The following PPP2R2B variants were observed in gnomAD, a reference collection of about 807,000 sequenced individuals.
PPP2R2B encodes serine/threonine-protein phosphatase 2A 55 kDa regulatory subunit B beta isoform.
Under a neutral mutation model 46.0 loss-of-function variants are expected in PPP2R2B, and 5 were observed. The observed-to-expected ratio is 0.11, with a 90% confidence interval of 0.06 to 0.23. The LOEUF (loss-of-function observed/expected upper bound fraction) is 0.23, where lower values mean the gene tolerates loss of function less well. Among genes scored for constraint, PPP2R2B ranks in the 10% least tolerant of loss-of-function variants. The pLI is 1.00. For synonymous variants in PPP2R2B, 215 were observed against 206.7 expected (o/e 1.04, Z -0.34); for missense variants, 367 against 575.0 (o/e 0.64, Z 3.70).
Position 146,813,084 on chromosome 5 carries a change from C to CAT in PPP2R2B, c.70+64916_70+64917dup, listed in dbSNP as rs1405604216. On this transcript the variant is annotated intron_variant, in intron 2 of 9. Transcript: ENST00000394411. ...CATCTGGTGAATCATCCAGCCAGGA[C>CAT]ATATATATATCTACATATACATATA... 3.3e-5 allele frequency among the ~76,000 whole-genome samples: 5 copies of CAT among 150,224 alleles called. No homozygotes were observed. The East Asian group carries it at 8.0e-4, about 24-fold the overall frequency.
At chr5:146,651,518 G>T (rs551346403) in intron 5 of PPP2R2B, among the ~76,000 whole-genome samples, 3 of 152,072 alleles carry the variant, frequency 2.0e-5, no homozygotes, top group Non-Finnish European at 4.4e-5. Flanking sequence ...ACACATGACC[G>T]TCTTTCTGGC....
chr5:146,735,838 A>AT (rs1404631607), intron 2 of PPP2R2B, among the ~76,000 whole-genome samples: 1 of 152,164 alleles, frequency 6.6e-6, no homozygotes, highest in African/African-American at 2.4e-5. Context: ...AGAGTCATCT[A>AT]TTGCTTGATT....
chr5:146,863,662 A>G (rs1761139721), intron 2 of PPP2R2B, among the ~76,000 whole-genome samples: 1 of 151,870 alleles, frequency 6.6e-6, no homozygotes, highest in Non-Finnish European at 1.5e-5. Flanking sequence ...CCATCCATCC[A>G]TCCATCCATC....
intron 2 of PPP2R2B, among the ~76,000 whole-genome samples, chr5:146,799,220 T>G (rs1342622984): frequency 6.6e-6 from 1 of 152,236 alleles, no homozygotes; most frequent in Non-Finnish European, 1.5e-5. Context: ...TCCTTGTCTT[T>G]GACTTAGATG....
At chr5:146,792,788 C>T (rs774970755) in intron 2 of PPP2R2B, among the ~76,000 whole-genome samples, 26 of 152,130 alleles carry the variant, frequency 1.7e-4, no homozygotes, top group Admixed American at 1.0e-3. Flanking sequence ...AAGAAGGCTA[C>T]GGGACAGGCA....
intron 2 of PPP2R2B, among the ~76,000 whole-genome samples, chr5:146,825,638 C>T (rs1758532308): frequency 6.6e-6 from 1 of 152,228 alleles, no homozygotes; most frequent in Non-Finnish European, 1.5e-5. Context: ...GCTCCTCCAC[C>T]TATTAGCTGA....
intron 2 of PPP2R2B, among the ~76,000 whole-genome samples, chr5:146,795,751 T>C (rs1311043367): frequency 6.6e-6 from 1 of 152,140 alleles, no homozygotes; most frequent in South Asian, 2.1e-4. Context: ...GTATAGTATA[T>C]CAAAACGTCA....
chr5:146,763,455 T>C (rs1754287140), intron 2 of PPP2R2B, among the ~76,000 whole-genome samples: 1 of 152,176 alleles, frequency 6.6e-6, no homozygotes, highest in Non-Finnish European at 1.5e-5. Flanking sequence ...TATGACTCTT[T>C]TGGCAATTCA....
chr5:146,699,833 C>A (rs1290621555), intron 3 of PPP2R2B, among the ~76,000 whole-genome samples: 1 of 152,100 alleles, frequency 6.6e-6, no homozygotes, highest in African/African-American at 2.4e-5. Flanking sequence ...CCATCCAAAT[C>A]AGACTGTCAA....
chr5:146,590,245 A>AGGGAGTGACCGAGTATTACGGAGAAT lies in PPP2R2B; in HGVS notation c.1053-20_1053-19insATTCTCCGTAATACTCGGTCACTCCC. The AGGGAGTGACCGAGTATTACGGAGAAT allele has an allele frequency of 6.2e-7, 1 of 1,609,034 alleles. No individual in the cohort carries two copies. Among genetic ancestry groups the AGGGAGTGACCGAGTATTACGGAGAAT allele is most frequent in the Non-Finnish European group, 8.5e-7 (1 of 1,176,448 alleles). On this transcript the variant is annotated intron_variant, in intron 9 of 9. Transcript: ENST00000394411. Reference sequence around the variant, plus strand: ...GATGACACTGCAAGGCAGAGAGCAAAGGCAATGACATATCTTCACTGTCTT... The same window carrying AGGGAGTGACCGAGTATTACGGAGAAT: ...GATGACACTGCAAGGCAGAGAGCAAAGGGAGTGACCGAGTATTACGGAGAATGGCAATGACATATCTTCACTGTCTT...
intron 1 of PPP2R2B, among the ~76,000 whole-genome samples, chr5:146,886,340 A>AAAAC (rs141794206): frequency 4.1e-5 from 6 of 145,172 alleles, no homozygotes; most frequent in African/African-American, 1.5e-4. Flanking sequence ...CTCCGTCTCA[A>AAAAC]AAATAAATAA....
intron 1 of PPP2R2B, among the ~76,000 whole-genome samples, chr5:146,937,152 T>C (rs901319883): frequency 3.3e-5 from 5 of 152,064 alleles, no homozygotes; most frequent in African/African-American, 9.6e-5. Context: ...AAATACAAAA[T>C]TAGCTGGGCG....
chr5:146,933,023 A>C (rs1007521532), intron 1 of PPP2R2B, among the ~76,000 whole-genome samples: 1 of 152,170 alleles, frequency 6.6e-6, no homozygotes, highest in African/African-American at 2.4e-5. Context: ...GCATGCTAAA[A>C]TATTCACGTG....
At chr5:146,996,408 G>T (rs984163627) in intron 1 of PPP2R2B, among the ~76,000 whole-genome samples, 1 of 152,152 alleles carries the variant, frequency 6.6e-6, no homozygotes, top group South Asian at 2.1e-4. Context: ...GCTATAGTTT[G>T]CATGGAAGAA....
intron 1 of PPP2R2B, among the ~76,000 whole-genome samples, chr5:147,046,720 A>T (rs1479779968): frequency 6.6e-6 from 1 of 151,854 alleles, no homozygotes; most frequent in Non-Finnish European, 1.5e-5. Flanking sequence ...TAAATATTTC[A>T]TATCACTAAT....
At chr5:147,065,288 T>C (rs1475710614) in intron 2 of PPP2R2B, among the ~76,000 whole-genome samples, 1 of 152,080 alleles carries the variant, frequency 6.6e-6, no homozygotes, top group Non-Finnish European at 1.5e-5. Flanking sequence ...GAGATTTGAA[T>C]GATGAATGGG....
intron 2 of PPP2R2B, among the ~76,000 whole-genome samples, chr5:146,783,899 A>G (rs1755684877): frequency 1.3e-5 from 2 of 152,202 alleles, no homozygotes; most frequent in Non-Finnish European, 2.9e-5. Flanking sequence ...GATGTTATTA[A>G]CTTATCACAT....
chr5:146,851,662 A>C (rs1196037737), intron 2 of PPP2R2B, among the ~76,000 whole-genome samples: 2 of 151,884 alleles, frequency 1.3e-5, no homozygotes, highest in Non-Finnish European at 2.9e-5. Context: ...TCTCAAATTA[A>C]ATAAGTGTAG....
intron 1 of PPP2R2B, among the ~76,000 whole-genome samples, chr5:146,909,929 A>G (rs1484114734): frequency 6.6e-6 from 1 of 152,240 alleles, no homozygotes; most frequent in Non-Finnish European, 1.5e-5. Context: ...TAGCAGTTTC[A>G]TATCTGATTG....
Sources: gnomAD v4.1 joint callset for allele counts (sites outside exome capture counted in the v4.1 genomes callset) on GRCh38, gnomAD v4.1.1 for gene constraint, MANE v1.5 for transcripts, NCBI Gene and HGNC (gene_info 2026-07-23, HGNC 2026-07-21) for gene names.